The following ZBBX variants were observed in gnomAD, a reference collection of about 807,000 sequenced individuals.
The protein encoded by ZBBX is zinc finger B-box domain containing.
Under a neutral mutation model 108.5 loss-of-function variants are expected in ZBBX, and 101 were observed. The ratio of observed to expected loss-of-function variants is 0.93; its 90% CI spans 0.79 to 1.10. The LOEUF (loss-of-function observed/expected upper bound fraction) is 1.10, where lower values mean the gene tolerates loss of function less well. Among genes scored for constraint, ZBBX ranks in the 50% least tolerant of loss-of-function variants. The pLI, the probability that ZBBX is intolerant of heterozygous loss-of-function variation, is 0.00. For synonymous variants in ZBBX, 356 were observed against 323.4 expected (o/e 1.10, Z -1.08); for missense variants, 1,009 against 941.4 (o/e 1.07, Z -0.94).
At chr3:167,337,036 T>C (rs778720430) in intron 9 of ZBBX, among the ~76,000 whole-genome samples, 4 of 152,160 alleles carry the variant, frequency 2.6e-5, no homozygotes, top group Non-Finnish European at 5.9e-5. Flanking sequence ...CAGACTTAAT[T>C]TCAACCCAGA....
intron 1 of ZBBX, among the ~76,000 whole-genome samples, chr3:167,404,580 T>G (rs1023923028): frequency 6.6e-6 from 1 of 152,052 alleles, no homozygotes; most frequent in Non-Finnish European, 1.5e-5. Flanking sequence ...TTTATATAGC[T>G]GGGAAGGACA....
chr3:167,351,075 G>A (rs761495180), intron 8 of ZBBX, among the ~76,000 whole-genome samples: 51 of 150,072 alleles, frequency 3.4e-4, no homozygotes, highest in Non-Finnish European at 6.1e-4. Context: ...TTTCTTACAA[G>A]CATCTCTAAA....
At chr3:167,331,620 T>A (rs1738642754) in intron 10 of ZBBX, 1 of 985,254 alleles carries the variant, frequency 1.0e-6, no homozygotes, top group Admixed American at 6.2e-5. Flanking sequence ...GTACATTAGC[T>A]CTTAAACGTT....
intron 10 of ZBBX, chr3:167,331,680 T>C (rs2108389769): frequency 1.1e-6 from 1 of 943,736 alleles, no homozygotes; most frequent in Non-Finnish European, 1.3e-6. Flanking sequence ...CAATATGACC[T>C]TGCCCAATGC....
intron 9 of ZBBX, among the ~76,000 whole-genome samples, chr3:167,337,520 G>GA (rs1176046352): frequency 1.3e-5 from 2 of 150,528 alleles, no homozygotes; most frequent in East Asian, 2.0e-4. Context: ...CTCCATCTCA[G>GA]AAAAAAAAAG....
At chr3:167,312,486 C>A (rs1734755458) in intron 16 of ZBBX, among the ~76,000 whole-genome samples, 1 of 152,028 alleles carries the variant, frequency 6.6e-6, no homozygotes, top group Non-Finnish European at 1.5e-5. Context: ...GTAAATGTAC[C>A]AGTCTGGTTG....
At chr3:167,252,054 C>T (rs898581597) in intron 20 of ZBBX, 1 of 980,050 alleles carries the variant, frequency 1.0e-6, no homozygotes, top group Non-Finnish European at 1.4e-6. Flanking sequence ...CACCTCTGCC[C>T]TTCTCAGGTA....
At chr3:167,368,385 A>G (rs1341008948) in intron 5 of ZBBX, 76 bp downstream of exon 5, 10 of 1,048,100 alleles carry the variant, frequency 9.5e-6, no homozygotes, top group African/African-American at 3.3e-5. Context: ...TTTTTATTGG[A>G]ATGACAACAG....
At chr3:167,285,455 T>C (rs1454867119) in intron 19 of ZBBX, among the ~76,000 whole-genome samples, 1 of 152,152 alleles carries the variant, frequency 6.6e-6, no homozygotes, top group African/African-American at 2.4e-5. Context: ...TGAGAATTTA[T>C]ACATAAAAAG....
At chr3:167,308,600 CAT>C (rs1309376545) in intron 16 of ZBBX, among the ~76,000 whole-genome samples, 1 of 152,132 alleles carries the variant, frequency 6.6e-6, no homozygotes, top group East Asian at 1.9e-4. Context: ...AAATGTGGTA[CAT>C]ATACACCATG....
At chr3:167,282,847 A>G (rs1209965129) in intron 19 of ZBBX, among the ~76,000 whole-genome samples, 2 of 152,222 alleles carry the variant, frequency 1.3e-5, no homozygotes, top group Non-Finnish European at 2.9e-5. Flanking sequence ...GCACCACGAC[A>G]TGTGTCTTAA....
intron 20 of ZBBX, among the ~76,000 whole-genome samples, chr3:167,271,436 C>A (rs1416136978): frequency 6.6e-6 from 1 of 152,144 alleles, no homozygotes. Flanking sequence ...TCCTCTACTG[C>A]AGTCCCTGTC....
At chr3:167,195,272 G>GT in the ZBBX span, among the ~76,000 whole-genome samples, 4 of 152,096 alleles carry the variant, frequency 2.6e-5, no homozygotes, top group Non-Finnish European at 5.9e-5. Context: ...TTCTCTGATG[G>GT]TTTTTTTCTC....
At chr3:167,352,022 A>T (rs1388963944) in intron 8 of ZBBX, among the ~76,000 whole-genome samples, 1 of 152,062 alleles carries the variant, frequency 6.6e-6, no homozygotes, top group African/African-American at 2.4e-5. Flanking sequence ...TATCACAGCC[A>T]GCTAAGGGGG....
intron 12 of ZBBX, 67 bp downstream of exon 12, chr3:167,322,050 T>G: frequency 1.0e-6 from 1 of 957,142 alleles, no homozygotes; most frequent in Non-Finnish European, 1.4e-6. Flanking sequence ...TAGGAAGGCA[T>G]GTCATACAAG....
chr3:167,196,170 A>G, the ZBBX span, among the ~76,000 whole-genome samples: 1 of 152,186 alleles, frequency 6.6e-6, no homozygotes, highest in Non-Finnish European at 1.5e-5. Flanking sequence ...ATACTGATGT[A>G]TCAGTGTCTG....
Position 167,368,582 on chromosome 3 carries a change from C to T in ZBBX, c.69-8G>A. 1 of 1,576,258 alleles carries T rather than the reference C, an allele frequency of 6.3e-7. No individual in the cohort carries two copies. Among genetic ancestry groups the T allele is most frequent in the Middle Eastern group, 1.7e-4 (1 of 5,906 alleles). ...CGCAGTTCTTGAGCATTTCTGAAGA[C>T]ATAAGATTTAAATGGAGAAAGCAGA... is the stretch of plus-strand genomic sequence containing the variant. On this transcript the variant is annotated splice_region_variant and splice_polypyrimidine_tract_variant and intron_variant, in intron 4 of 21. Transcript: ENST00000675490.
At chr3:167,312,521 A>G (rs973089325) in intron 16 of ZBBX, among the ~76,000 whole-genome samples, 5 of 152,192 alleles carry the variant, frequency 3.3e-5, no homozygotes, top group African/African-American at 1.2e-4. Context: ...GGGGGAGGCT[A>G]TGTATGTGTA....
intron 8 of ZBBX, among the ~76,000 whole-genome samples, chr3:167,358,592 C>G (rs1281717147): frequency 6.6e-6 from 1 of 151,998 alleles, no homozygotes; most frequent in Non-Finnish European, 1.5e-5. Flanking sequence ...AAAGAGCAGT[C>G]AGAAGTCATA....
Sources: allele counts gnomAD v4.1 joint callset (sites outside exome capture counted in the v4.1 genomes callset), GRCh38; gene constraint gnomAD v4.1.1; transcripts MANE v1.5; gene names NCBI Gene and HGNC (gene_info 2026-07-23, HGNC 2026-07-21).